The following C8orf34 variants were observed in gnomAD, a reference collection of about 807,000 sequenced individuals.
C8orf34 encodes the protein chromosome 8 open reading frame 34.
A neutral mutation model predicts 68.3 loss-of-function variants in C8orf34; 65 were observed. That is an observed-to-expected ratio of 0.95 (90% CI 0.78 to 1.17). The LOEUF (loss-of-function observed/expected upper bound fraction) is 1.17, where lower values mean the gene tolerates loss of function less well. Among genes scored for constraint, C8orf34 ranks in the 50% most tolerant of loss-of-function variants. C8orf34 has a pLI of 0.00. For synonymous variants in C8orf34, 244 were observed against 241.2 expected, an observed-to-expected ratio of 1.01 and a Z score of -0.11; for missense variants, 664 against 655.4, an observed-to-expected ratio of 1.01 and a Z score of -0.14.
chr8:68,450,651 A>G (rs923628014), intron 3 of C8orf34, among the ~76,000 whole-genome samples: 9 of 152,122 alleles, frequency 5.9e-5, no homozygotes, highest in African/African-American at 2.2e-4. Flanking sequence ...GAGCAGTAAC[A>G]TTTTGAAAGG....
intron 4 of C8orf34, 32 bp from the exon 5 acceptor site, chr8:68,487,991 A>T (rs763877592): frequency 3.3e-6 from 5 of 1,530,604 alleles, no homozygotes; most frequent in Non-Finnish European, 4.5e-6. Flanking sequence ...TGCTTCTAAA[A>T]CTTTTTTTTA....
rs367863488 is a variant in C8orf34, at chr8:68,710,284, C to T, written c.1327+1205C>T. ...TCACCGCTGCAGGCTCCCTGAGATG[C>T]GAAAATTTGTGAGTCTTTTTGCTTT... On this transcript the variant is annotated intron_variant, in intron 9 of 13. Coordinates refer to ENST00000518698, the MANE Select transcript of C8orf34 (RefSeq NM_052958.4). Among the ~76,000 whole-genome samples the T allele has an allele frequency of 5.3e-5, 8 of 152,234 alleles. No individual in the cohort carries two copies. The South Asian group carries it at 1.0e-3, about 20-fold the overall frequency.
At chr8:68,564,112 A>T (rs944212831) in intron 7 of C8orf34, among the ~76,000 whole-genome samples, 1 of 152,186 alleles carries the variant, frequency 6.6e-6, no homozygotes, top group Non-Finnish European at 1.5e-5. Flanking sequence ...CAGTAAGGAG[A>T]TATCTTTATG....
intron 7 of C8orf34, chr8:68,535,798 CTT>C (rs899565972): frequency 1.0e-6 from 1 of 962,996 alleles, no homozygotes; most frequent in Admixed American, 6.2e-5. Flanking sequence ...GGAATTAACA[CTT>C]GTCAGATAAT....
intron 10 of C8orf34, among the ~76,000 whole-genome samples, chr8:68,769,567 G>T (rs1231835366): frequency 3.9e-5 from 6 of 151,920 alleles, no homozygotes; most frequent in African/African-American, 1.2e-4. Context: ...TTACAAACTC[G>T]AAGTAATCAG....
rs546091391 is a variant in C8orf34, at chr8:68,713,592, T to C, written c.1327+4513T>C. Among the ~76,000 whole-genome samples, 10 of 152,124 alleles carry C rather than the reference T, an allele frequency of 6.6e-5. No individual in the cohort carries two copies. In the South Asian group the frequency reaches 8.3e-4, roughly 13 times the overall value. ...AATTCCTGGAAATATACAACCCTCC[T>C]AGATTAAACCAGGAAGATATAGAAT... is the stretch of plus-strand genomic sequence containing the variant. On this transcript the variant is annotated intron_variant, in intron 9 of 13. Coordinates refer to ENST00000518698, the MANE Select transcript of C8orf34 (RefSeq NM_052958.4).
chr8:68,547,041 G>C lies in C8orf34; in HGVS notation c.1105+13892G>C, dbSNP rs572778532. On this transcript the variant is annotated intron_variant, in intron 7 of 13. Transcript: ENST00000518698. ...AATTCAAATTGTATCCAAATAAGTA[G>C]AAAAAATGAAAAATACAGATGAAAT... 1.1e-4 allele frequency among the ~76,000 whole-genome samples: 16 copies of C among 151,376 alleles called. No homozygotes were observed. In the South Asian group the frequency reaches 3.1e-3, roughly 29 times the overall value.
At chr8:68,357,918 G>T (rs1436767107) in intron 1 of C8orf34, among the ~76,000 whole-genome samples, 1 of 152,006 alleles carries the variant, frequency 6.6e-6, no homozygotes, top group Non-Finnish European at 1.5e-5. Flanking sequence ...GAAAACTCAC[G>T]GCCCTGACAT....
At chr8:68,703,522 C>T (rs186116042) in intron 8 of C8orf34, among the ~76,000 whole-genome samples, 1 of 152,228 alleles carries the variant, frequency 6.6e-6, no homozygotes, top group Non-Finnish European at 1.5e-5. Flanking sequence ...CATTTTGCCT[C>T]ATCCAGGTTT....
chr8:68,354,055 A>C (rs1806638034), intron 1 of C8orf34, among the ~76,000 whole-genome samples: 1 of 152,044 alleles, frequency 6.6e-6, no homozygotes, highest in Admixed American at 6.6e-5. Context: ...AATTAACATC[A>C]AGTTGTTTAT....
At chr8:68,542,440 C>A (rs555383408) in intron 7 of C8orf34, among the ~76,000 whole-genome samples, 1 of 151,960 alleles carries the variant, frequency 6.6e-6, no homozygotes, top group East Asian at 1.9e-4. Context: ...CTTTTCTTTA[C>A]GGACTTTTTC....
intron 12 of C8orf34, among the ~76,000 whole-genome samples, chr8:68,809,540 C>G (rs955092402): frequency 6.6e-6 from 1 of 152,116 alleles, no homozygotes; most frequent in Non-Finnish European, 1.5e-5. Context: ...TACTGAGAGG[C>G]TGAGGCAAGA....
At chr8:68,756,360 C>G (rs750700478) in intron 10 of C8orf34, among the ~76,000 whole-genome samples, 6 of 152,180 alleles carry the variant, frequency 3.9e-5, no homozygotes, top group Non-Finnish European at 8.8e-5. Flanking sequence ...AAGTGTAACT[C>G]TACTGAACTT....
At chr8:68,406,993 G>A (rs1313195522) in intron 1 of C8orf34, among the ~76,000 whole-genome samples, 3 of 152,258 alleles carry the variant, frequency 2.0e-5, no homozygotes, top group Admixed American at 6.5e-5. Flanking sequence ...GAAGCAGGAT[G>A]CTGAGGTGGC....
chr8:68,564,267 C>A (rs1196204366), intron 7 of C8orf34, among the ~76,000 whole-genome samples: 1 of 152,006 alleles, frequency 6.6e-6, no homozygotes, highest in Non-Finnish European at 1.5e-5. Context: ...AAAGAGTGAC[C>A]ATATTATTTT....
rs537466151 is a variant in C8orf34, at chr8:68,331,230, G to A, written c.218G>A (p.Arg73His). 8.1e-5 allele frequency: 124 copies of A among 1,536,192 alleles called. No homozygotes were observed. The African/African-American group carries it at 1.4e-3, about 17-fold the overall frequency. ...GTCCCCAGCGGAGGCGCACAGCCGC[G>A]CGTTCTCCCTGCACTCTCTTCGCGG... ...RVVPSGGAQP[R>H]VLPALSSRSH... The change falls in exon 1 of 14, where the codon CGC (arginine) becomes CAC (histidine). Residue 73 changes from arginine to histidine, a missense_variant. Coordinates refer to ENST00000518698, the MANE Select transcript of C8orf34 (RefSeq NM_052958.4).
chr8:68,784,407 C>T (rs1396035928), intron 11 of C8orf34, among the ~76,000 whole-genome samples: 2 of 152,158 alleles, frequency 1.3e-5, no homozygotes, highest in Admixed American at 1.3e-4. Flanking sequence ...CCTTGGTCAC[C>T]TGGCTAGAGA....
intron 10 of C8orf34, among the ~76,000 whole-genome samples, chr8:68,739,899 G>T (rs1349934394): frequency 6.6e-6 from 1 of 152,034 alleles, no homozygotes; most frequent in Non-Finnish European, 1.5e-5. Flanking sequence ...GCATGGTACT[G>T]GTACAAAAAC....
intron 1 of C8orf34, among the ~76,000 whole-genome samples, chr8:68,389,143 C>A (rs1808377840): frequency 6.6e-6 from 1 of 152,068 alleles, no homozygotes; most frequent in South Asian, 2.1e-4. Flanking sequence ...CCTGTCTCTG[C>A]TAGAAAATGT....
Sources: gnomAD v4.1 joint callset for allele counts (sites outside exome capture counted in the v4.1 genomes callset) on GRCh38, gnomAD v4.1.1 for gene constraint, MANE v1.5 for transcripts, NCBI Gene and HGNC (gene_info 2026-07-23, HGNC 2026-07-21) for gene names.